The following CERK variants were observed in gnomAD, a reference collection of about 807,000 sequenced individuals.
CERK encodes acylsphingosine kinase.
CERK carries 39 observed loss-of-function variants against 63.4 expected under a neutral mutation model. The ratio of observed to expected loss-of-function variants is 0.61; its 90% CI spans 0.48 to 0.80. The LOEUF is 0.80. Ranked by LOEUF, CERK falls within the 30% of genes least tolerant of loss-of-function variation. CERK has a pLI of 0.00. For synonymous variants in CERK, 302 were observed against 280.0 expected (o/e 1.08, Z -0.78); for missense variants, 670 against 714.1 (o/e 0.94, Z 0.70).
chr22:46,697,057 A>G (rs895993923), intron 8 of CERK, among the ~76,000 whole-genome samples: 8 of 152,018 alleles, frequency 5.3e-5, no homozygotes, highest in African/African-American at 1.9e-4. Context: ...TAAATACCTC[A>G]CTTTGCCATT....
At chr22:46,698,967 G>A (rs926225318) in intron 8 of CERK, among the ~76,000 whole-genome samples, 4 of 152,138 alleles carry the variant, frequency 2.6e-5, no homozygotes, top group Non-Finnish European at 5.9e-5. Flanking sequence ...CACTTGAACA[G>A]TTTGGGGTGG....
In CERK at chr22:46,720,200, C is replaced by G. The variant is rs200298253; in HGVS notation, c.265G>C (p.Val89Leu). 6.2e-7 allele frequency: 1 copy of G among 1,613,476 alleles called. No individual in the cohort carries two copies. The highest frequency in any genetic ancestry group is 8.5e-7 in the Non-Finnish European group (1 of 1,179,760). Residue 89 changes from valine to leucine, a missense_variant, in exon 3 of 13, where the codon GTA becomes CTA. Val to Leu is a conservative substitution (Grantham distance 32). Transcript: ENST00000216264. ...CAGCGGTGCCGTCGTGCTCTCTTTA[C>G]ACAGTGAACTGCACAGAAGCAAGCA... ...EKPYAFTVHC[V>L]KRARRHRWKW...
At chr22:46,717,874 A>G (rs886774546) in intron 3 of CERK, among the ~76,000 whole-genome samples, 13 of 152,058 alleles carry the variant, frequency 8.5e-5, no homozygotes, top group Non-Finnish European at 1.8e-4. Flanking sequence ...TGAGGTCAGG[A>G]GTTCGAGACC....
At chr22:46,700,256 G>C (rs762260120) in intron 7 of CERK, among the ~76,000 whole-genome samples, 5 of 151,204 alleles carry the variant, frequency 3.3e-5, no homozygotes, top group Non-Finnish European at 7.4e-5. Flanking sequence ...AGCTGGGCGT[G>C]GTGGCAGGTG....
intron 1 of CERK, among the ~76,000 whole-genome samples, chr22:46,722,600 C>G (rs879871777): frequency 1.3e-5 from 2 of 149,230 alleles, no homozygotes; most frequent in Non-Finnish European, 3.0e-5. Context: ...GCTCCTGCTG[C>G]CCAGACTGGA....
rs548997472 is a variant in CERK, at chr22:46,692,088, G to A, written c.1127-311C>T. Among the ~76,000 whole-genome samples the A allele has an allele frequency of 2.7e-4, 41 of 152,310 alleles. No individual in the cohort carries two copies. In the South Asian group the frequency reaches 3.9e-3, roughly 15 times the overall value. On this transcript the variant is annotated intron_variant, in intron 10 of 12. Transcript: ENST00000216264. Reference sequence around the variant, plus strand: ...GTGTGTCAGATCCGGCCCGCCGCCCGTCTGTGTGTGGCCTGAGAGCTAAGA... The same window carrying A: ...GTGTGTCAGATCCGGCCCGCCGCCCATCTGTGTGTGGCCTGAGAGCTAAGA...
At chr22:46,705,790 T>C (rs994231867) in intron 6 of CERK, among the ~76,000 whole-genome samples, 2 of 152,112 alleles carry the variant, frequency 1.3e-5, no homozygotes, top group Non-Finnish European at 2.9e-5. Context: ...CCCAGCACTT[T>C]GGGAGGCAGA....
rs144306156 is a variant in CERK, at chr22:46,690,109, C to A, written c.1424G>T (p.Gly475Val). ...MEDEDSDLKE[G>V]GKKRFGHICS... ...AATGTGCCCAAAGCGCTTCTTCCCCCCCTCCTTGAGGTCGCTGTCCTCATC... is the reference window on the plus strand; with the variant it reads ...AATGTGCCCAAAGCGCTTCTTCCCCACCTCCTTGAGGTCGCTGTCCTCATC... Residue 475 changes from glycine (G) to valine (V), a missense_variant, in exon 12 of 13, where the codon GGG becomes GTG. Physicochemically the swap from Gly to Val is moderately radical, Grantham distance 109. Transcript: ENST00000216264. 9.9e-6 allele frequency: 16 copies of A among 1,613,972 alleles called. No homozygotes were observed. Among genetic ancestry groups the A allele is most frequent in the East Asian group, 6.7e-5 (3 of 44,884 alleles).
intron 3 of CERK, among the ~76,000 whole-genome samples, chr22:46,718,690 T>C (rs942056823): frequency 2.0e-5 from 3 of 152,224 alleles, no homozygotes; most frequent in African/African-American, 7.2e-5. Context: ...ACTTTCTTGA[T>C]GTAGGTGCCA....
intron 9 of CERK, among the ~76,000 whole-genome samples, chr22:46,694,442 T>G (rs1425398603): frequency 6.6e-6 from 1 of 152,202 alleles, no homozygotes; most frequent in African/African-American, 2.4e-5. Flanking sequence ...TTGCAGAGCC[T>G]GCAGTGGCCA....
intron 1 of CERK, among the ~76,000 whole-genome samples, chr22:46,731,808 G>A (rs1035047329): frequency 2.0e-5 from 3 of 152,352 alleles, no homozygotes; most frequent in Non-Finnish European, 4.4e-5. Flanking sequence ...AGCAGTGCCT[G>A]GAAGAACTTT....
At chr22:46,723,197 T>C (rs1339329601) in intron 1 of CERK, among the ~76,000 whole-genome samples, 1 of 152,226 alleles carries the variant, frequency 6.6e-6, no homozygotes, top group Non-Finnish European at 1.5e-5. Flanking sequence ...AGCAGGGTCA[T>C]TAGTTTACAC....
chr22:46,707,696 C>T (rs1011796581), intron 6 of CERK, 147 bp downstream of exon 6: 2 of 868,452 alleles, frequency 2.3e-6, no homozygotes, highest in Non-Finnish European at 3.5e-6. Context: ...CAATGATATC[C>T]CCCCAAGAGT....
At chr22:46,724,801 C>T (rs1468787971) in intron 1 of CERK, among the ~76,000 whole-genome samples, 9 of 152,072 alleles carry the variant, frequency 5.9e-5, no homozygotes, top group African/African-American at 1.4e-4. Context: ...GGGCGGATCA[C>T]GAGGTCAGGA....
rs1219327790 is a variant in CERK at position 46,707,877 on chromosome 22, G to C, written c.681C>G (p.Val227=). 1 of 1,613,720 alleles carries C rather than the reference G, an allele frequency of 6.2e-7. No individual in the cohort carries two copies. Among genetic ancestry groups the C allele is most frequent in the Non-Finnish European group, 8.5e-7 (1 of 1,179,758 alleles). ...TGATTCCAATCCGGAGGCTACTGGG[G>C]ACCAGCACAGCCCGGGGGTGGTTCT... is the stretch of plus-strand genomic sequence containing the variant. ...VDQNHPRAVL[V]PSSLRIGIIP... The change falls in exon 6 of 13, where the codon GTC becomes GTG. Residue 227 remains valine, a synonymous_variant. Coordinates refer to ENST00000216264, the MANE Select transcript of CERK (RefSeq NM_022766.6).
intron 1 of CERK, among the ~76,000 whole-genome samples, chr22:46,733,719 C>T (rs1280039733): frequency 1.3e-5 from 2 of 151,714 alleles, no homozygotes; most frequent in Non-Finnish European, 2.9e-5. Context: ...TTTCCCATTC[C>T]AATATTATAA....
chr22:46,696,839 A>G (rs1462087626), intron 8 of CERK, among the ~76,000 whole-genome samples: 1 of 151,780 alleles, frequency 6.6e-6, no homozygotes, highest in Admixed American at 6.5e-5. Flanking sequence ...GCTGAGGGCA[A>G]AGGGGGGGGC....
At position 46,710,205 on chromosome 22, in the gene CERK, G is replaced by A. The variant is rs1255137483; in HGVS notation, c.569+881C>T. ...GCACTTTGGGAGGCTGAGGCGGGTC[G>A]CGTGGATCACCTGAGGTCAGGAGTT... On this transcript the variant is annotated intron_variant, in intron 5 of 12. Coordinates refer to ENST00000216264, the MANE Select transcript of CERK (RefSeq NM_022766.6). Among the ~76,000 whole-genome samples the A allele has an allele frequency of 9.2e-5, 14 of 152,084 alleles. No homozygotes were observed. In the East Asian group the frequency reaches 2.3e-3, roughly 25 times the overall value.
intron 4 of CERK, among the ~76,000 whole-genome samples, chr22:46,711,430 C>T (rs536804276): frequency 2.6e-5 from 4 of 152,120 alleles, no homozygotes; most frequent in East Asian, 3.9e-4. Context: ...AAAGAGATTA[C>T]GTCTCTTTTA....
Sources: gnomAD v4.1 joint callset for allele counts (sites outside exome capture counted in the v4.1 genomes callset) on GRCh38, gnomAD v4.1.1 for gene constraint, MANE v1.5 for transcripts, NCBI Gene and HGNC (gene_info 2026-07-23, HGNC 2026-07-21) for gene names.